The following GPD2 variants were observed in gnomAD, a reference collection of about 807,000 sequenced individuals.
The protein encoded by GPD2 is glycerol-3-phosphate dehydrogenase, mitochondrial.
Under a neutral mutation model 82.4 loss-of-function variants are expected in GPD2, and 54 were observed. The ratio of observed to expected loss-of-function variants is 0.66; its 90% CI spans 0.53 to 0.82. The LOEUF (loss-of-function observed/expected upper bound fraction) is 0.82. Ranked by LOEUF, GPD2 falls within the 40% of genes least tolerant of loss-of-function variation. GPD2 has a pLI of 0.00. For missense variants in GPD2, 748 were observed against 896.2 expected (o/e 0.83, Z 2.11); for synonymous variants, 288 against 306.1 (o/e 0.94, Z 0.62).
chr2:156,422,093 C>T, the GPD2 span, among the ~76,000 whole-genome samples: 2 of 152,182 alleles, frequency 1.3e-5, no homozygotes, highest in African/African-American at 4.8e-5. Flanking sequence ...GTCCACTGCA[C>T]TCTAACCAGG....
At chr2:156,421,718 T>G in the GPD2 span, among the ~76,000 whole-genome samples, 1 of 152,232 alleles carries the variant, frequency 6.6e-6, no homozygotes, top group South Asian at 2.1e-4. Flanking sequence ...GGCAATGAAC[T>G]TCTTCCTGTT....
intron 3 of GPD2, among the ~76,000 whole-genome samples, chr2:156,506,715 G>T (rs1176371480): frequency 6.6e-6 from 1 of 151,972 alleles, no homozygotes; most frequent in Admixed American, 6.6e-5. Context: ...ATATGACACT[G>T]GTCCTCCAAA....
the GPD2 span, among the ~76,000 whole-genome samples, chr2:156,426,416 C>T: frequency 6.6e-6 from 1 of 152,194 alleles, no homozygotes; most frequent in African/African-American, 2.4e-5. Context: ...CATGAGAGCT[C>T]ACTCACTGTG....
At chr2:156,405,274 A>C in the GPD2 span, among the ~76,000 whole-genome samples, 1 of 152,192 alleles carries the variant, frequency 6.6e-6, no homozygotes, top group Non-Finnish European at 1.5e-5. Flanking sequence ...GGTGGTGTAA[A>C]GCGCTCATTT....
In GPD2 at chr2:156,441,414, C is replaced by T. The variant is rs567664089; in HGVS notation, c.-9+4901C>T. Among the ~76,000 whole-genome samples the T allele has an allele frequency of 3.9e-5, 6 of 152,128 alleles. No homozygotes were observed. In the South Asian group the frequency reaches 1.0e-3, roughly 26 times the overall value. The stretch of plus-strand genomic sequence containing the variant: ...AAAAAATTAAAAAAGAAAAAACTAG[C>T]CAGGTGTGGTGGTCCATGCTTGTAG... On this transcript the variant is annotated intron_variant, in intron 1 of 16. Coordinates refer to ENST00000438166, the MANE Select transcript of GPD2 (RefSeq NM_000408.5).
chr2:156,481,606 G>C (rs1285325580), intron 2 of GPD2, among the ~76,000 whole-genome samples: 1 of 151,102 alleles, frequency 6.6e-6, no homozygotes, highest in East Asian at 1.9e-4. Context: ...TGTCCTCCAG[G>C]CTCATCTGTG....
chr2:156,500,420 A>G (rs1022918380), intron 3 of GPD2, among the ~76,000 whole-genome samples: 2 of 152,134 alleles, frequency 1.3e-5, no homozygotes, highest in African/African-American at 4.8e-5. Context: ...TGAATTGTGC[A>G]TTGTTGCTGT....
intron 13 of GPD2, among the ~76,000 whole-genome samples, chr2:156,574,877 G>A (rs143173469): frequency 1.3e-3 from 197 of 152,282 alleles, no homozygotes; most frequent in African/African-American, 4.5e-3. Context: ...ATTGCTTAAG[G>A]TGGCAGGCAT....
intron 1 of GPD2, among the ~76,000 whole-genome samples, chr2:156,470,539 A>G (rs1683293694): frequency 6.6e-6 from 1 of 152,212 alleles, no homozygotes; most frequent in Non-Finnish European, 1.5e-5. Context: ...GTATTTTGAT[A>G]AGTAAGGCTT....
chr2:156,400,818 G>A, the GPD2 span, among the ~76,000 whole-genome samples: 10 of 152,280 alleles, frequency 6.6e-5, no homozygotes, highest in South Asian at 2.1e-4. Flanking sequence ...GTGAGGTCCC[G>A]GGTTCAATCC....
At chr2:156,477,798 T>C (rs1421745008) in intron 2 of GPD2, among the ~76,000 whole-genome samples, 2 of 152,222 alleles carry the variant, frequency 1.3e-5, no homozygotes, top group African/African-American at 4.8e-5. Flanking sequence ...CTATTTCTTT[T>C]AAAAGATTGC....
chr2:156,435,899 C>T (rs1688410942), upstream of GPD2: 1 of 152,442 alleles, frequency 6.6e-6, no homozygotes, highest in Admixed American at 6.5e-5. Flanking sequence ...CACAGGAAAT[C>T]GGACACCGCC....
chr2:156,435,851 C>T (rs961592576), upstream of GPD2: 1 of 152,486 alleles, frequency 6.6e-6, no homozygotes, highest in African/African-American at 2.4e-5. Flanking sequence ...TCTCCTCTCC[C>T]GCAGGCAGAT....
At chr2:156,552,849 T>C (rs1686810590) in intron 8 of GPD2, among the ~76,000 whole-genome samples, 1 of 151,562 alleles carries the variant, frequency 6.6e-6, no homozygotes, top group African/African-American at 2.4e-5. Flanking sequence ...CCTTGGGCTG[T>C]GTGGCCTGGG....
chr2:156,425,528 T>C, the GPD2 span, among the ~76,000 whole-genome samples: 1 of 152,256 alleles, frequency 6.6e-6, no homozygotes, highest in Non-Finnish European at 1.5e-5. Flanking sequence ...AGTTGTCTTG[T>C]TGACTATAAT....
At chr2:156,466,991 T>G (rs1056943824) in intron 1 of GPD2, among the ~76,000 whole-genome samples, 1 of 152,200 alleles carries the variant, frequency 6.6e-6, no homozygotes, top group Non-Finnish European at 1.5e-5. Flanking sequence ...TAAAATGATA[T>G]AATTGACATA....
chr2:156,510,885 C>T lies in GPD2; in HGVS notation c.364C>T (p.Leu122=). ...TKLIHGGVRY[L]QKAIMKLDIE... Reference sequence around the variant, plus strand: ...ATTGATCCATGGTGGTGTGAGATATCTGCAGAAGGCCATCATGAAGTTGGA... The same window carrying T: ...ATTGATCCATGGTGGTGTGAGATATTTGCAGAAGGCCATCATGAAGTTGGA... Residue 122 remains leucine (L), a synonymous_variant, in exon 4 of 17, where the codon CTG becomes TTG. Transcript: ENST00000438166. 1 of 1,613,224 alleles carries T rather than the reference C, an allele frequency of 6.2e-7. No individual in the cohort carries two copies. The highest frequency in any genetic ancestry group is 8.5e-7 in the Non-Finnish European group (1 of 1,179,178).
At chr2:156,518,679 TTTG>T (rs1347818745) in intron 6 of GPD2, among the ~76,000 whole-genome samples, 1 of 152,176 alleles carries the variant, frequency 6.6e-6, no homozygotes, top group Non-Finnish European at 1.5e-5. Context: ...TTTTGGTCTT[TTTG>T]TTGTTTGTTT....
At chr2:156,543,991 G>C (rs1009822715) in intron 6 of GPD2, among the ~76,000 whole-genome samples, 3 of 152,152 alleles carry the variant, frequency 2.0e-5, no homozygotes, top group Non-Finnish European at 4.4e-5. Context: ...GTAGAAAATT[G>C]GCTACATTGC....
Sources: allele counts gnomAD v4.1 joint callset (sites outside exome capture counted in the v4.1 genomes callset), GRCh38; gene constraint gnomAD v4.1.1; transcripts MANE v1.5; gene names NCBI Gene and HGNC (gene_info 2026-07-23, HGNC 2026-07-21).